The following GPC5 variants were observed in gnomAD, a reference collection of about 807,000 sequenced individuals.
GPC5 encodes the protein glypican-5.
GPC5 carries 47 observed loss-of-function variants against 53.9 expected under a neutral mutation model. The observed-to-expected ratio is 0.87, with a 90% CI of 0.69 to 1.11. The LOEUF (loss-of-function observed/expected upper bound fraction) is 1.11, where lower values mean the gene tolerates loss of function less well. Among genes scored for constraint, GPC5 ranks in the 50% most tolerant of loss-of-function variants. GPC5 has a pLI of 0.00. For synonymous variants in GPC5, 286 were observed against 263.3 expected (o/e 1.09, Z -0.84); for missense variants, 748 against 713.1 (o/e 1.05, Z -0.56).
At chr13:91,862,842 G>A (rs186905021) in intron 5 of GPC5, among the ~76,000 whole-genome samples, 8 of 152,164 alleles carry the variant, frequency 5.3e-5, no homozygotes, top group Non-Finnish European at 1.0e-4. Flanking sequence ...GACTTTGATC[G>A]TCAGGTCTTT....
intron 7 of GPC5, among the ~76,000 whole-genome samples, chr13:92,257,567 T>TGG (rs1555323587): frequency 2.4e-4 from 34 of 142,096 alleles, no homozygotes; most frequent in African/African-American, 8.0e-4. Flanking sequence ...TTTTTTTTTT[T>TGG]GGGGACAGAG....
intron 7 of GPC5, among the ~76,000 whole-genome samples, chr13:92,506,416 A>T (rs536142157): frequency 6.6e-6 from 1 of 152,278 alleles, no homozygotes; most frequent in African/African-American, 2.4e-5. Flanking sequence ...CAGTCAAAAA[A>T]TAGATTACAG....
intron 7 of GPC5, among the ~76,000 whole-genome samples, chr13:92,831,104 T>C (rs954258675): frequency 1.3e-5 from 2 of 152,050 alleles, no homozygotes; most frequent in African/African-American, 4.8e-5. Context: ...TGTTAGCAAA[T>C]AACACTCGGA....
intron 6 of GPC5, among the ~76,000 whole-genome samples, chr13:92,072,133 CATTTTATTAATGAATGA>C (rs1469524195): frequency 7.0e-6 from 1 of 143,124 alleles, no homozygotes; most frequent in Admixed American, 7.0e-5. Context: ...ATAAAATGAT[CATTTTATTAATGAATGA>C]ATAAAATGTA....
At chr13:92,621,561 C>T (rs2139115459) in intron 7 of GPC5, among the ~76,000 whole-genome samples, 1 of 152,266 alleles carries the variant, frequency 6.6e-6, no homozygotes, top group East Asian at 1.9e-4. Flanking sequence ...TAGCTCACAC[C>T]TGTAATCCCA....
chr13:91,701,287 A>G (rs941603948), intron 3 of GPC5, among the ~76,000 whole-genome samples: 1 of 152,156 alleles, frequency 6.6e-6, no homozygotes, highest in Non-Finnish European at 1.5e-5. Context: ...AATGCTGTAC[A>G]ATAGATCTCC....
In GPC5 at chr13:92,308,935, G is replaced by A. The variant is rs372424429; in HGVS notation, c.1561+163946G>A. Among the ~76,000 whole-genome samples the A allele has an allele frequency of 4.7e-4, 71 of 152,108 alleles. 1 individual carries two copies. The highest frequency in any genetic ancestry group is 1.5e-3 in the African/African-American group (63 of 41,516). On this transcript the variant is annotated intron_variant, in intron 7 of 7. Coordinates refer to ENST00000377067, the MANE Select transcript of GPC5 (RefSeq NM_004466.6). ...GGCCATGTGTGATCCATCTTTAAAG[G>A]TACAGTCATTATGCAGGGAGGTTGC...
In GPC5 at chr13:91,831,059, T is replaced by TATATATATCCTATTATTATATATAATA. The variant is rs1054341278; in HGVS notation, c.1280+74656_1280+74682dup. 1.6e-3 allele frequency among the ~76,000 whole-genome samples: 223 copies of TATATATATCCTATTATTATATATAATA among 140,030 alleles called. 1 individual carries two copies. Among genetic ancestry groups the TATATATATCCTATTATTATATATAATA allele is most frequent in the African/African-American group, 5.7e-3 (217 of 37,870 alleles). The allele number at this position is 140,030 out of a possible 152,430, so 91.9% of individuals were successfully genotyped here. On this transcript the variant is annotated intron_variant, in intron 5 of 7. Coordinates refer to ENST00000377067, the MANE Select transcript of GPC5 (RefSeq NM_004466.6). Reference sequence around the variant, plus strand: ...TTATATATATTATATATATCCTATTTATATATATCCTATTATTATATATAA... The same window carrying TATATATATCCTATTATTATATATAATA: ...TTATATATATTATATATATCCTATTTATATATATCCTATTATTATATATAATAATATATATCCTATTATTATATATAA...
chr13:92,358,516 T>C (rs1412332184), intron 7 of GPC5, among the ~76,000 whole-genome samples: 1 of 151,750 alleles, frequency 6.6e-6, no homozygotes, highest in Non-Finnish European at 1.5e-5. Flanking sequence ...ATTTCCCCTG[T>C]GCACTACCCT....
chr13:92,244,513 G>A (rs1432218087), intron 7 of GPC5, among the ~76,000 whole-genome samples: 1 of 152,056 alleles, frequency 6.6e-6, no homozygotes, highest in African/African-American at 2.4e-5. Flanking sequence ...AATTTCCAGA[G>A]ATTTATAACG....
chr13:92,346,475 A>T (rs2043413549), intron 7 of GPC5, among the ~76,000 whole-genome samples: 1 of 152,182 alleles, frequency 6.6e-6, no homozygotes, highest in Non-Finnish European at 1.5e-5. Flanking sequence ...CATGAATTAG[A>T]GAACACATAA....
At chr13:92,606,666 T>G (rs1884270634) in intron 7 of GPC5, among the ~76,000 whole-genome samples, 1 of 152,232 alleles carries the variant, frequency 6.6e-6, no homozygotes, top group Admixed American at 6.5e-5. Context: ...TTATTAACTA[T>G]TAGGATCTGG....
chr13:92,073,562 T>C (rs2041229754), intron 6 of GPC5, among the ~76,000 whole-genome samples: 1 of 152,208 alleles, frequency 6.6e-6, no homozygotes, highest in Non-Finnish European at 1.5e-5. Context: ...GGTTTAGATA[T>C]AATTGCCTGC....
intron 5 of GPC5, among the ~76,000 whole-genome samples, chr13:91,845,066 G>T (rs1167747022): frequency 5.9e-5 from 9 of 152,122 alleles, no homozygotes; most frequent in Admixed American, 5.9e-4. Context: ...TGTCATTTTA[G>T]GGTAGCTCTA....
At chr13:92,685,158 T>C (rs1357228014) in intron 7 of GPC5, among the ~76,000 whole-genome samples, 1 of 152,112 alleles carries the variant, frequency 6.6e-6, no homozygotes, top group African/African-American at 2.4e-5. Flanking sequence ...TGGTGCAATC[T>C]CAGCTCAACT....
intron 2 of GPC5, among the ~76,000 whole-genome samples, chr13:91,494,639 C>A (rs1218267565): frequency 6.6e-6 from 1 of 152,134 alleles, no homozygotes; most frequent in Non-Finnish European, 1.5e-5. Context: ...ATCTCCACAT[C>A]GTTAAATCCA....
rs958329924 is a variant in GPC5 at position 92,404,889 on chromosome 13, C to T, written c.1561+259900C>T. Among the ~76,000 whole-genome samples, 75 of 150,234 alleles carry T rather than the reference C, an allele frequency of 5.0e-4. 5 individuals carry two copies. Among genetic ancestry groups the T allele is most frequent in the African/African-American group, 1.7e-3 (68 of 40,704 alleles). On this transcript the variant is annotated intron_variant, in intron 7 of 7. Transcript: ENST00000377067. ...TTACAAGTACATCAAGGATAATATA[C>T]TGTAAATGTATAGACAATCCTCACT...
intron 7 of GPC5, among the ~76,000 whole-genome samples, chr13:92,769,287 C>T (rs1267834626): frequency 6.6e-6 from 1 of 152,142 alleles, no homozygotes; most frequent in Non-Finnish European, 1.5e-5. Context: ...ATGATGCAAT[C>T]CTCCCAACAC....
At chr13:91,845,112 A>G (rs960963833) in intron 5 of GPC5, among the ~76,000 whole-genome samples, 1 of 152,194 alleles carries the variant, frequency 6.6e-6, no homozygotes, top group African/African-American at 2.4e-5. Flanking sequence ...CCACAAAAGA[A>G]TGCTAGTAAT....
Sources: allele counts gnomAD v4.1 joint callset (sites outside exome capture counted in the v4.1 genomes callset), GRCh38; gene constraint gnomAD v4.1.1; transcripts MANE v1.5; gene names NCBI Gene and HGNC (gene_info 2026-07-23, HGNC 2026-07-21).